CSGALNACT1: variants seen among roughly 807,000 people sequenced by gnomAD.
CSGALNACT1 encodes the protein beta4GalNAcT-1.
CSGALNACT1 carries 52 observed loss-of-function variants against 51.0 expected under a neutral mutation model. The observed-to-expected ratio is 1.02, with a 90% CI of 0.82 to 1.29. The LOEUF (loss-of-function observed/expected upper bound fraction) is 1.29. Among genes scored for constraint, CSGALNACT1 ranks in the 50% most tolerant of loss-of-function variants. CSGALNACT1 has a pLI of 0.00. For synonymous variants in CSGALNACT1, 341 were observed against 254.4 expected, an observed-to-expected ratio of 1.34 and a Z score of -3.24; for missense variants, 935 against 679.2, an observed-to-expected ratio of 1.38 and a Z score of -4.19.
intron 1 of CSGALNACT1, chr8:19,641,847 C>A (rs1182801149): frequency 6.6e-6 from 1 of 152,196 alleles, no homozygotes; most frequent in African/African-American, 2.4e-5. Flanking sequence ...GTGTCCTCAG[C>A]AATTTTTTTC....
intron 1 of CSGALNACT1, among the ~76,000 whole-genome samples, chr8:19,680,514 C>A (rs1273992978): frequency 2.0e-5 from 3 of 150,110 alleles, no homozygotes; most frequent in Non-Finnish European, 3.0e-5. Flanking sequence ...AGAGATCACA[C>A]CACTGCACTC....
At chr8:19,691,422 TAAAAC>T (rs1182692849) in intron 1 of CSGALNACT1, among the ~76,000 whole-genome samples, 1 of 152,090 alleles carries the variant, frequency 6.6e-6, no homozygotes, top group Non-Finnish European at 1.5e-5. Context: ...CCCAATTTCT[TAAAAC>T]AAACAAAACA....
intron 8 of CSGALNACT1, among the ~76,000 whole-genome samples, chr8:19,415,597 G>A (rs993183274): frequency 6.6e-6 from 1 of 152,066 alleles, no homozygotes; most frequent in Non-Finnish European, 1.5e-5. Context: ...GATTCCCTTC[G>A]CAACTCCTAC....
chr8:19,536,909 G>T (rs1257289626), intron 3 of CSGALNACT1, among the ~76,000 whole-genome samples: 1 of 152,126 alleles, frequency 6.6e-6, no homozygotes, highest in African/African-American at 2.4e-5. Flanking sequence ...TTCAACGGGG[G>T]TAAACAGCCT....
intron 5 of CSGALNACT1, among the ~76,000 whole-genome samples, chr8:19,454,563 C>G (rs57348400): frequency 2.0e-5 from 3 of 151,986 alleles, no homozygotes; most frequent in African/African-American, 7.3e-5. Context: ...CCCAGCTACT[C>G]GGGAGGCTGA....
intron 4 of CSGALNACT1, among the ~76,000 whole-genome samples, chr8:19,478,632 C>G (rs1379452079): frequency 2.0e-5 from 3 of 152,210 alleles, no homozygotes; most frequent in South Asian, 4.2e-4. Context: ...TCATGGGACA[C>G]TGGTACTTCG....
rs1564386938 is a variant in CSGALNACT1, at chr8:19,667,040, G to GAAGGAAGGAAGA, written c.-544+15432_-544+15433insTCTTCCTTCCTT. Among the ~76,000 whole-genome samples, 11 of 34,968 alleles carry GAAGGAAGGAAGA rather than the reference G, an allele frequency of 3.1e-4. 1 individual carries two copies. Among genetic ancestry groups the GAAGGAAGGAAGA allele is most frequent in the South Asian group, 2.1e-3 (2 of 964 alleles). The allele number at this position is 34,968 out of a possible 152,430, so 22.9% of individuals were successfully genotyped here. On this transcript the variant is annotated intron_variant, in intron 1 of 9. Transcript: ENST00000332246. Reference sequence around the variant, plus strand: ...GAAAGGAAGGAAGGAAGGAAGGAAGGAAGAAAGAAAGAAAGAAAGAAAGAA... The same window carrying GAAGGAAGGAAGA: ...GAAAGGAAGGAAGGAAGGAAGGAAGGAAGGAAGGAAGAAAGAAAGAAAGAAAGAAAGAAAGAA...
At chr8:19,477,090 G>T (rs2069896252) in intron 4 of CSGALNACT1, among the ~76,000 whole-genome samples, 1 of 152,200 alleles carries the variant, frequency 6.6e-6, no homozygotes, top group African/African-American at 2.4e-5. Flanking sequence ...ATCATTACTG[G>T]CAGGCAGAAG....
At chr8:19,604,017 G>C (rs1404742418), upstream of CSGALNACT1, among the ~76,000 whole-genome samples, 1 of 152,178 alleles carries the variant, frequency 6.6e-6, no homozygotes, top group Non-Finnish European at 1.5e-5. Context: ...CCACGGCATG[G>C]CTCAGCTCCT....
intron 3 of CSGALNACT1, among the ~76,000 whole-genome samples, chr8:19,530,668 C>T (rs571415542): frequency 6.6e-5 from 10 of 152,136 alleles, no homozygotes; most frequent in African/African-American, 1.7e-4. Flanking sequence ...GAGATCGGGG[C>T]TATAGCGAGC....
chr8:19,470,946 A>C (rs1482559880), intron 4 of CSGALNACT1, among the ~76,000 whole-genome samples: 1 of 152,026 alleles, frequency 6.6e-6, no homozygotes, highest in Admixed American at 6.6e-5. Context: ...AAATACAAAA[A>C]TTAGCTGGGC....
chr8:19,448,709 G>C (rs1353564529), intron 5 of CSGALNACT1, among the ~76,000 whole-genome samples: 2 of 152,176 alleles, frequency 1.3e-5, no homozygotes, highest in Non-Finnish European at 2.9e-5. Flanking sequence ...TCACAGCTGA[G>C]AAAGACACAG....
chr8:19,620,496 G>T (rs1011232749), intron 1 of CSGALNACT1, among the ~76,000 whole-genome samples: 1 of 150,784 alleles, frequency 6.6e-6, no homozygotes, highest in East Asian at 1.9e-4. Flanking sequence ...ACAGTGGCAC[G>T]ATCATAGGTC....
At chr8:19,592,302 T>G (rs547455141) in intron 2 of CSGALNACT1, among the ~76,000 whole-genome samples, 44 of 152,312 alleles carry the variant, frequency 2.9e-4, no homozygotes, top group African/African-American at 1.0e-3. Flanking sequence ...ACTTTTGTTA[T>G]ATAAGAAAAT....
chr8:19,478,494 T>C lies in CSGALNACT1; in HGVS notation c.635-19852A>G, dbSNP rs1480080323. 4.0e-5 allele frequency among the ~76,000 whole-genome samples: 6 copies of C among 151,004 alleles called. No individual in the cohort carries two copies. In the East Asian group the frequency reaches 1.2e-3, roughly 29 times the overall value. On this transcript the variant is annotated intron_variant, in intron 4 of 9. Coordinates refer to ENST00000454498, the Ensembl canonical transcript of CSGALNACT1. ...ATTCCGATTTAATTATTCTGTGGTG[T>C]AGCCTCGACTCCCCAAGAGACTAAC...
At chr8:19,469,964 AAG>A (rs2067729662) in intron 4 of CSGALNACT1, among the ~76,000 whole-genome samples, 1 of 152,218 alleles carries the variant, frequency 6.6e-6, no homozygotes, top group South Asian at 2.1e-4. Context: ...CTTGGCTAAA[AAG>A]GGAATAAATG....
At chr8:19,456,385 T>A (rs75957430) in intron 5 of CSGALNACT1, among the ~76,000 whole-genome samples, 1 of 152,248 alleles carries the variant, frequency 6.6e-6, no homozygotes, top group African/African-American at 2.4e-5. Flanking sequence ...CAGTAAGACA[T>A]AGGCAGCTTC....
In CSGALNACT1 at chr8:19,669,526, A is replaced by T. The variant is rs981113282; in HGVS notation, c.-544+12947T>A. The stretch of plus-strand genomic sequence containing the variant: ...GAGTGCAGTGGCACGACCTTCCTTC[A>T]CTGCAACTTCTCCCTCCCAGGTTCA... On this transcript the variant is annotated intron_variant, in intron 1 of 9. Coordinates refer to the CSGALNACT1 transcript ENST00000332246. Among the ~76,000 whole-genome samples, 3 of 152,184 alleles carry T rather than the reference A, an allele frequency of 2.0e-5. No homozygotes were observed. The South Asian group carries it at 6.2e-4, about 31-fold the overall frequency.
intron 6 of CSGALNACT1, 27 bp from the exon 6 acceptor site, chr8:19,420,545 C>G (rs1403873150): frequency 6.2e-7 from 1 of 1,609,426 alleles, no homozygotes; most frequent in South Asian, 1.1e-5. Context: ...GGTACTGTCA[C>G]TCACATTCCC....
Sources: gnomAD v4.1 joint callset for allele counts (sites outside exome capture counted in the v4.1 genomes callset) on GRCh38, gnomAD v4.1.1 for gene constraint, MANE v1.5 for transcripts, NCBI Gene and HGNC (gene_info 2026-07-23, HGNC 2026-07-21) for gene names.